Variants in PPARGC1A observed in about 807,000 individuals in gnomAD.
The protein encoded by PPARGC1A is peroxisome proliferator-activated receptor gamma coactivator 1-alpha.
A neutral mutation model predicts 88.7 loss-of-function variants in PPARGC1A; 25 were observed. The ratio of observed to expected loss-of-function variants is 0.28; its 90% confidence interval spans 0.21 to 0.39. PPARGC1A has a LOEUF of 0.39. Ranked by LOEUF, PPARGC1A falls within the 10% of genes least tolerant of loss-of-function variation. PPARGC1A has a pLI of 1.00. For synonymous variants in PPARGC1A, 363 were observed against 355.6 expected (o/e 1.02, Z -0.24); for missense variants, 880 against 968.7 (o/e 0.91, Z 1.22).
At chr4:24,387,942 A>AAGAAAGAT in the PPARGC1A span, among the ~76,000 whole-genome samples, 24 of 136,910 alleles carry the variant, frequency 1.8e-4, 1 homozygote, top group African/African-American at 7.8e-4. Flanking sequence ...AAGAGAAAGA[A>AAGAAAGAT]AGAAAGAAAG....
At chr4:24,271,228 C>T in the PPARGC1A span, among the ~76,000 whole-genome samples, 1 of 152,104 alleles carries the variant, frequency 6.6e-6, no homozygotes, top group Non-Finnish European at 1.5e-5. Context: ...GAACTGGCAG[C>T]CCTTCCATGC....
chr4:24,232,204 A>AAAAAAAAAAATTCTGGATTG, the PPARGC1A span, among the ~76,000 whole-genome samples: 17 of 102,920 alleles, frequency 1.7e-4, no homozygotes, highest in Admixed American at 7.4e-4. Context: ...GAAGGATTGA[A>AAAAAAAAAAATTCTGGATTG]AAAAAAAAAA....
chr4:24,160,439 T>C, the PPARGC1A span, among the ~76,000 whole-genome samples: 1 of 152,200 alleles, frequency 6.6e-6, no homozygotes, highest in Non-Finnish European at 1.5e-5. Context: ...CAGTTTAAAT[T>C]TGCCCAGGTA....
chr4:23,875,230 T>C (rs947786785), intron 2 of PPARGC1A, among the ~76,000 whole-genome samples: 1 of 152,210 alleles, frequency 6.6e-6, no homozygotes, highest in Non-Finnish European at 1.5e-5. Context: ...TCCAAAATAT[T>C]TGAAATATAG....
the PPARGC1A span, among the ~76,000 whole-genome samples, chr4:23,927,884 A>G: frequency 6.6e-6 from 1 of 152,176 alleles, no homozygotes; most frequent in Admixed American, 6.5e-5. Flanking sequence ...CTTAAGAGCC[A>G]GTATGGAAAT....
the PPARGC1A span, among the ~76,000 whole-genome samples, chr4:24,169,625 TTTGGGATG>T: frequency 2.0e-5 from 3 of 152,004 alleles, no homozygotes; most frequent in African/African-American, 4.8e-5. Context: ...ATCCCAGCAC[TTTGGGATG>T]CCGAGGTGGG....
the PPARGC1A span, among the ~76,000 whole-genome samples, chr4:24,435,544 T>C: frequency 6.6e-6 from 1 of 152,166 alleles, no homozygotes; most frequent in East Asian, 1.9e-4. Flanking sequence ...AACATGTTTG[T>C]GACTCAGACA....
intron 2 of PPARGC1A, among the ~76,000 whole-genome samples, chr4:23,866,623 A>T (rs1244515587): frequency 6.6e-6 from 1 of 152,218 alleles, no homozygotes; most frequent in African/African-American, 2.4e-5. Context: ...GGTTAAAGGG[A>T]TGCAATGCCG....
the PPARGC1A span, among the ~76,000 whole-genome samples, chr4:24,099,679 T>G: frequency 6.6e-6 from 1 of 152,174 alleles, no homozygotes; most frequent in Non-Finnish European, 1.5e-5. Context: ...GTTTACGTAC[T>G]TGTAACATAA....
At chr4:24,375,833 TAA>T in the PPARGC1A span, among the ~76,000 whole-genome samples, 1 of 152,042 alleles carries the variant, frequency 6.6e-6, no homozygotes, top group African/African-American at 2.4e-5. Context: ...AGCAGCCCTA[TAA>T]AGAGAGCAAA....
At chr4:23,892,083 T>C (rs1717934414), upstream of PPARGC1A, among the ~76,000 whole-genome samples, 1 of 152,194 alleles carries the variant, frequency 6.6e-6, no homozygotes, top group East Asian at 1.9e-4. Flanking sequence ...TGCTAGATAT[T>C]CATCATATTT....
chr4:23,878,497 A>G (rs188494806), intron 2 of PPARGC1A, among the ~76,000 whole-genome samples: 2 of 152,264 alleles, frequency 1.3e-5, no homozygotes, highest in Admixed American at 1.3e-4. Context: ...GGTTGATACC[A>G]AGAGACAGAG....
At chr4:24,321,307 G>A in the PPARGC1A span, among the ~76,000 whole-genome samples, 1 of 152,118 alleles carries the variant, frequency 6.6e-6, no homozygotes, top group Non-Finnish European at 1.5e-5. Flanking sequence ...AATAAAATGC[G>A]TATGACGCAA....
the PPARGC1A span, among the ~76,000 whole-genome samples, chr4:24,331,901 A>C: frequency 1.3e-5 from 2 of 151,988 alleles, no homozygotes; most frequent in Admixed American, 1.3e-4. Context: ...CCCCACATGC[A>C]TTAGGTATTT....
chr4:23,988,833 C>A, the PPARGC1A span, among the ~76,000 whole-genome samples: 3 of 147,106 alleles, frequency 2.0e-5, no homozygotes, highest in African/African-American at 7.4e-5. Context: ...TTTTAAATAG[C>A]ATTATATATT....
chr4:24,058,009 C>T, the PPARGC1A span, among the ~76,000 whole-genome samples: 2 of 152,176 alleles, frequency 1.3e-5, no homozygotes, highest in Non-Finnish European at 2.9e-5. Context: ...AGAAGGGAAG[C>T]AACCTGCTGG....
At chr4:23,860,371 T>G (rs142693855) in intron 2 of PPARGC1A, among the ~76,000 whole-genome samples, 262 of 152,034 alleles carry the variant, frequency 1.7e-3, no homozygotes, top group African/African-American at 6.1e-3. Context: ...ATTGCAATTA[T>G]GTGGGATGGA....
the PPARGC1A span, among the ~76,000 whole-genome samples, chr4:24,161,942 G>A: frequency 6.8e-6 from 1 of 147,152 alleles, no homozygotes; most frequent in African/African-American, 2.5e-5. Context: ...CTCAATGAGT[G>A]AATAAAGAAA....
the PPARGC1A span, among the ~76,000 whole-genome samples, chr4:24,194,630 GCACACACA>G: frequency 5.5e-4 from 27 of 48,692 alleles, no homozygotes; most frequent in African/African-American, 1.2e-3. Flanking sequence ...GCACGCGCGC[GCACACACA>G]CACACACACA....
Sources: allele counts gnomAD v4.1 joint callset (sites outside exome capture counted in the v4.1 genomes callset), GRCh38; gene constraint gnomAD v4.1.1; transcripts MANE v1.5; gene names NCBI Gene and HGNC (gene_info 2026-07-23, HGNC 2026-07-21).